PCDHGC3: variants seen among roughly 807,000 people sequenced by gnomAD.
The protein encoded by PCDHGC3 is protocadherin gamma subfamily C, 3, also known as protocadherin gamma-C3.
Under a neutral mutation model 59.2 loss-of-function variants are expected in PCDHGC3, and 26 were observed. The ratio of observed to expected loss-of-function variants is 0.44; its 90% CI spans 0.32 to 0.61. The LOEUF is 0.61. Among genes scored for constraint, PCDHGC3 ranks in the 20% least tolerant of loss-of-function variants. The pLI is 0.05. For synonymous variants in PCDHGC3, 487 were observed against 519.7 expected (o/e 0.94, Z 0.86); for missense variants, 1,080 against 1,221.8 (o/e 0.88, Z 1.73).
chr5:141,502,027 C>T (rs547850211), intron 2 of PCDHGC3, among the ~76,000 whole-genome samples: 6 of 152,274 alleles, frequency 3.9e-5, no homozygotes, highest in African/African-American at 9.6e-5. Flanking sequence ...CTGCAACCCC[C>T]GCCGCTTGCC....
rs1205353926 is a variant in PCDHGC3 at position 141,477,969 on chromosome 5, T to A, written c.1853T>A (p.Leu618His). 6.2e-7 allele frequency: 1 copy of A among 1,613,962 alleles called. No homozygotes were observed. Among genetic ancestry groups the A allele is most frequent in the Non-Finnish European group, 8.5e-7 (1 of 1,180,032 alleles). The part of the protein sequence containing the change: ...YSLLGSPNQS[L>H]FAIGLHTGQI... ...CTCTTGGGATCCCCTAACCAGAGCC[T>A]TTTTGCCATAGGGCTGCACACTGGT... The change falls in exon 1 of 4, where the codon CTT (leucine) becomes CAT (histidine). Residue 618 changes from leucine (L) to histidine (H), a missense_variant. Coordinates refer to ENST00000308177, the MANE Select transcript of PCDHGC3 (RefSeq NM_002588.4). The surrounding 1 kb of genome is among the most constrained non-coding windows in gnomAD (Gnocchi z 4.9).
At chr5:141,502,542 A>G (rs2099814957) in intron 2 of PCDHGC3, among the ~76,000 whole-genome samples, 1 of 152,216 alleles carries the variant, frequency 6.6e-6, no homozygotes, top group Admixed American at 6.5e-5. Context: ...TTCGTGTGGT[A>G]AAAACAGTGT....
Position 141,476,901 on chromosome 5 carries a change from G to A in PCDHGC3, c.785G>A (p.Arg262His), listed in dbSNP as rs1466086788. The A allele has an allele frequency of 1.9e-6, 3 of 1,613,782 alleles. No individual in the cohort carries two copies. The African/African-American group carries it at 4.0e-5, about 22-fold the overall frequency. Residue 262 changes from arginine to histidine, a missense_variant, in exon 1 of 4, where the codon CGC becomes CAC. By Grantham distance (29) the Arg-to-His change is conservative (BLOSUM62 0). Coordinates refer to ENST00000308177, the MANE Select transcript of PCDHGC3 (RefSeq NM_002588.4). The surrounding 1 kb of genome is among the most constrained non-coding windows in gnomAD (Gnocchi z 7.6). ...CTGGAGGATGCACCCTCCGGCACGC[G>A]CGTGGTACAAGTCCTTGCAACGGAT... ...RVLEDAPSGTRVVQVLATDLD... is the reference protein window; with the variant it reads ...RVLEDAPSGTHVVQVLATDLD...
At chr5:141,502,782 T>C (rs1200280465) in intron 2 of PCDHGC3, among the ~76,000 whole-genome samples, 1 of 152,132 alleles carries the variant, frequency 6.6e-6, no homozygotes, top group African/African-American at 2.4e-5. Context: ...GAAAATTACC[T>C]GGATGATTTC....
chr5:141,485,549 G>T lies in PCDHGC3; in HGVS notation c.2430+7003G>T. 1 of 1,614,030 alleles carries T rather than the reference G, an allele frequency of 6.2e-7. No homozygotes were observed. Among genetic ancestry groups the T allele is most frequent in the Non-Finnish European group, 8.5e-7 (1 of 1,179,922 alleles). On this transcript the variant is annotated intron_variant, in intron 1 of 3. Coordinates refer to ENST00000308177, the MANE Select transcript of PCDHGC3 (RefSeq NM_002588.4). The surrounding 1 kb of genome is among the most constrained non-coding windows in gnomAD (Gnocchi z 5.7). Reference sequence around the variant, plus strand: ...CCGAGCAGAGGTAGAGATCGTAGATGTGAATGATCACGCCCCCCGTTTTCC... The same window carrying T: ...CCGAGCAGAGGTAGAGATCGTAGATTTGAATGATCACGCCCCCCGTTTTCC...
At chr5:141,509,486 A>G (rs1022659275) in intron 3 of PCDHGC3, among the ~76,000 whole-genome samples, 10 of 152,132 alleles carry the variant, frequency 6.6e-5, no homozygotes, top group African/African-American at 2.4e-4. Flanking sequence ...GGTAGAGGTG[A>G]TGGCATGCTG....
rs1457995929 is a variant in PCDHGC3, at chr5:141,478,146, T to C, written c.2030T>C (p.Phe677Ser). 1 of 1,613,978 alleles carries C rather than the reference T, an allele frequency of 6.2e-7. No homozygotes were observed. The highest frequency in any genetic ancestry group is 8.5e-7 in the Non-Finnish European group (1 of 1,180,018). Residue 677 changes from phenylalanine to serine, a missense_variant, in exon 1 of 4, where the codon TTC becomes TCC. Phe to Ser is a radical substitution (Grantham distance 155). Transcript: ENST00000308177. ...TEDSPEARAE[F>S]PSGSAPREQK... ...GACTCTCCTGAAGCCCGAGCCGAGT[T>C]CCCCTCTGGCTCTGCCCCCCGGGAG...
chr5:141,489,159 T>G lies in PCDHGC3; in HGVS notation c.2431-5648T>G. On this transcript the variant is annotated intron_variant, in intron 1 of 3. Transcript: ENST00000308177. This position sits in a 1 kb window ranked among gnomAD's most constrained non-coding sequence, Gnocchi z 4.5. ...AGGCTGGAAGGAGACATAAGAGACT[T>G]CAGCTGCTGCATTCCAAGCCCTGGG... is the stretch of plus-strand genomic sequence containing the variant. 2 of 1,023,152 alleles carry G rather than the reference T, an allele frequency of 2.0e-6. No individual in the cohort carries two copies. Among genetic ancestry groups the G allele is most frequent in the Non-Finnish European group, 2.9e-6 (2 of 697,120 alleles). The allele number at this position is 1,023,152 out of a possible 1,614,324, so 63.4% of individuals were successfully genotyped here. A position where few individuals can be genotyped will look rare whatever the true frequency, so the allele number is the denominator to read the frequency against.
In PCDHGC3 at chr5:141,476,240, G is replaced by A. The variant is rs762604058; in HGVS notation, c.124G>A (p.Glu42Lys). The change falls in exon 1 of 4, where the codon GAG becomes AAG. Residue 42 changes from glutamate (E) to lysine (K), a missense_variant. Physicochemically the swap from Glu to Lys is moderately conservative, Grantham distance 56. Coordinates refer to ENST00000308177, the MANE Select transcript of PCDHGC3 (RefSeq NM_002588.4). This position sits in a 1 kb window ranked among gnomAD's most constrained non-coding sequence, Gnocchi z 7.6. ...TCACTATGAGATCCCGGAGGAAAGAGAGAAGGGTTTCGCTGTGGGCAACGT... is the reference window on the plus strand; with the variant it reads ...TCACTATGAGATCCCGGAGGAAAGAAAGAAGGGTTTCGCTGTGGGCAACGT... ...VIHYEIPEER[E>K]KGFAVGNVVA... The A allele has an allele frequency of 4.3e-6, 7 of 1,613,986 alleles. No individual in the cohort carries two copies. The highest frequency in any genetic ancestry group is 1.7e-6 in the Non-Finnish European group (2 of 1,180,030).
In PCDHGC3 at chr5:141,485,615, C is replaced by G; in HGVS notation, c.2430+7069C>G. ...CTTGGAAATTGGGGAGGCAGCTCCTCCAGGACAGCGTTTCCCGTTGGAAAA... is the reference window on the plus strand; with the variant it reads ...CTTGGAAATTGGGGAGGCAGCTCCTGCAGGACAGCGTTTCCCGTTGGAAAA... On this transcript the variant is annotated intron_variant, in intron 1 of 3. Coordinates refer to ENST00000308177, the MANE Select transcript of PCDHGC3 (RefSeq NM_002588.4). This position sits in a 1 kb window ranked among gnomAD's most constrained non-coding sequence, Gnocchi z 5.7. 6.2e-7 allele frequency: 1 copy of G among 1,612,250 alleles called. No individual in the cohort carries two copies. The highest frequency in any genetic ancestry group is 1.3e-5 in the African/African-American group (1 of 74,992).
At position 141,490,543 on chromosome 5, in the gene PCDHGC3, C is replaced by T; in HGVS notation, c.2431-4264C>T. 2 of 1,614,188 alleles carry T rather than the reference C, an allele frequency of 1.2e-6. No homozygotes were observed. Among genetic ancestry groups the T allele is most frequent in the Non-Finnish European group, 8.5e-7 (1 of 1,180,024 alleles). On this transcript the variant is annotated intron_variant, in intron 1 of 3. Transcript: ENST00000308177. The surrounding 1 kb of genome is among the most constrained non-coding windows in gnomAD (Gnocchi z 5.4). ...CAGCGATGCTGGTTCACCTTCCCTA[C>T]ACAAACATCTCACCATCAGGCTCAA...
rs774079222 is a variant in PCDHGC3 at position 141,491,314 on chromosome 5, C to T, written c.2431-3493C>T. On this transcript the variant is annotated intron_variant, in intron 1 of 3. Coordinates refer to ENST00000308177, the MANE Select transcript of PCDHGC3 (RefSeq NM_002588.4). This position sits in a 1 kb window ranked among gnomAD's most constrained non-coding sequence, Gnocchi z 6.9. ...CCCTCCTGAGCGTTCAGACCTTACC[C>T]TTTACCTCATTGTGGCTCTAGCGAC... The T allele has an allele frequency of 1.9e-6, 3 of 1,614,182 alleles. No individual in the cohort carries two copies. In the South Asian group the frequency reaches 3.3e-5, roughly 18 times the overall value.
chr5:141,493,979 C>T lies in PCDHGC3; in HGVS notation c.2431-828C>T, dbSNP rs1273325447. ...GAAGTGGCTGGCCAGAGCCCCACAC[C>T]TTCAGCTAGGTGGGAGATGGCTACA... is the stretch of plus-strand genomic sequence containing the variant. On this transcript the variant is annotated intron_variant, in intron 1 of 3. Coordinates refer to ENST00000308177, the MANE Select transcript of PCDHGC3 (RefSeq NM_002588.4). The surrounding 1 kb of genome is among the most constrained non-coding windows in gnomAD (Gnocchi z 4.3). Among the ~76,000 whole-genome samples, 1 of 152,182 alleles carries T rather than the reference C, an allele frequency of 6.6e-6. No individual in the cohort carries two copies. Among genetic ancestry groups the T allele is most frequent in the Non-Finnish European group, 1.5e-5 (1 of 68,032 alleles).
At position 141,490,502 on chromosome 5, in the gene PCDHGC3, T is replaced by C. The variant is rs1408615048; in HGVS notation, c.2431-4305T>C. On this transcript the variant is annotated intron_variant, in intron 1 of 3. Transcript: ENST00000308177. The surrounding 1 kb of genome is among the most constrained non-coding windows in gnomAD (Gnocchi z 5.4). Reference sequence around the variant, plus strand: ...GACCGGGAGGCCACATCCCACTATATCATCGAGCTGCTGGCCAGCGATGCT... The same window carrying C: ...GACCGGGAGGCCACATCCCACTATACCATCGAGCTGCTGGCCAGCGATGCT... 1.2e-6 allele frequency: 2 copies of C among 1,614,094 alleles called. No individual in the cohort carries two copies. The highest frequency in any genetic ancestry group is 1.1e-5 in the South Asian group (1 of 91,076).
intron 1 of PCDHGC3, among the ~76,000 whole-genome samples, chr5:141,488,417 C>T (rs2099675171): frequency 6.6e-6 from 1 of 152,224 alleles, no homozygotes; most frequent in Non-Finnish European, 1.5e-5. Context: ...GCCAAGCCAT[C>T]CATGCTTGGC....
chr5:141,497,217 G>A (rs1046945884), intron 2 of PCDHGC3, among the ~76,000 whole-genome samples: 1 of 152,066 alleles, frequency 6.6e-6, no homozygotes, highest in African/African-American at 2.4e-5. Flanking sequence ...AATGGGGGGG[G>A]GAAGATCAGA....
intron 1 of PCDHGC3, among the ~76,000 whole-genome samples, chr5:141,481,675 C>T (rs943204061): frequency 4.0e-5 from 6 of 151,490 alleles, no homozygotes; most frequent in Non-Finnish European, 5.9e-5. Context: ...AAAATCAGGC[C>T]GGGCCTGGTG....
intron 1 of PCDHGC3, 154 bp downstream of exon 1, chr5:141,478,700 C>A: frequency 1.3e-6 from 2 of 1,549,172 alleles, no homozygotes; most frequent in Non-Finnish European, 1.7e-6. Flanking sequence ...AAAGTTAGTG[C>A]CTTTGTGAGA....
rs1562150111 is a variant in PCDHGC3, at chr5:141,491,805, T to G, written c.2431-3002T>G. 1 of 1,495,892 alleles carries G rather than the reference T, an allele frequency of 6.7e-7. No homozygotes were observed. 92.7% of individuals were successfully genotyped at this position (1,495,892 alleles called of 1,614,324 possible). A position where few individuals can be genotyped will look rare whatever the true frequency, so the allele number is the denominator to read the frequency against. On this transcript the variant is annotated intron_variant, in intron 1 of 3. Coordinates refer to ENST00000308177, the MANE Select transcript of PCDHGC3 (RefSeq NM_002588.4). This position sits in a 1 kb window ranked among gnomAD's most constrained non-coding sequence, Gnocchi z 6.9. ...TGCATCCACTCCTCTCCGGCCGGCT[T>G]GGTCGCTGGCTGCGCTCCACCCGAT... is the stretch of plus-strand genomic sequence containing the variant.
Sources: gnomAD v4.1 joint callset for allele counts (sites outside exome capture counted in the v4.1 genomes callset) on GRCh38, gnomAD v4.1.1 for gene constraint, Gnocchi (gnomAD v3.1) non-coding constraint, MANE v1.5 for transcripts, NCBI Gene and HGNC (gene_info 2026-07-23, HGNC 2026-07-21) for gene names.